PAGE2: variants seen among roughly 807,000 people sequenced by gnomAD.
PAGE2 encodes the protein PAGE family member 2.
Under a neutral mutation model 7.5 loss-of-function variants are expected in PAGE2, and 6 were observed. The observed-to-expected ratio is 0.80, with a 90% CI of 0.44 to 1.57. PAGE2 has a LOEUF of 1.57. PAGE2 is among the 40% of genes most tolerant of loss of function. The pLI is 0.01. For synonymous variants in PAGE2, 22 were observed against 25.4 expected (o/e 0.87, Z 0.41); for missense variants, 72 against 76.4 (o/e 0.94, Z 0.21).
Position 55,090,493 on chromosome X carries a change from C to T in PAGE2, c.85-9C>T, listed in dbSNP as rs1195629677. 1.7e-6 allele frequency: 2 copies of T among 1,187,007 alleles called. No homozygotes were observed. Among genetic ancestry groups the T allele is most frequent in the Admixed American group, 2.2e-5 (1 of 45,003 alleles). ...GACTTTTTATTCACACACACACTTACACCCTTAGGTCCAGGAGCCCACTGA... is the reference window on the plus strand; with the variant it reads ...GACTTTTTATTCACACACACACTTATACCCTTAGGTCCAGGAGCCCACTGA... On this transcript the variant is annotated splice_polypyrimidine_tract_variant and intron_variant, in intron 2 of 4. Coordinates refer to ENST00000374968, the MANE Select transcript of PAGE2 (RefSeq NM_207339.4).
chrX:55,090,020 T>C lies in PAGE2; in HGVS notation c.-1T>C. 1 of 1,180,829 alleles carries C rather than the reference T, an allele frequency of 8.5e-7. No individual in the cohort carries two copies. Among genetic ancestry groups the C allele is most frequent in the Non-Finnish European group, 1.1e-6 (1 of 870,449 alleles). ...ACAATATTCTGTTTGCAGTGGGAAA[T>C]ATGAGTGAGCTTCTAAGAGCAAGAT... On this transcript the variant is annotated 5_prime_UTR_variant, in exon 2 of 5. Transcript: ENST00000374968.
Position 55,090,599 on chromosome X carries a change from C to T in PAGE2, c.182C>T (p.Pro61Leu). ...GGGGAGATTGAAAATCAAGCAGTGCCTGCTTTTCAAGGTGAAGGGAGAGTG... is the reference window on the plus strand; with the variant it reads ...GGGGAGATTGAAAATCAAGCAGTGCTTGCTTTTCAAGGTGAAGGGAGAGTG... Reference protein sequence around the residue: ...PSGEIENQAVPAFQGPDMEAF... With the variant: ...PSGEIENQAVLAFQGPDMEAF... Residue 61 changes from proline (P) to leucine (L), a missense_variant, in exon 3 of 5, where the codon CCT (proline) becomes CTT (leucine). Pro to Leu is a moderately conservative substitution (Grantham distance 98, BLOSUM62 -3). Transcript: ENST00000374968. The T allele has an allele frequency of 1.7e-6, 2 of 1,203,834 alleles. No homozygotes were observed. The highest frequency in any genetic ancestry group is 1.1e-6 in the Non-Finnish European group (1 of 891,843).
rs1005975021 is a variant in PAGE2, at chrX:55,089,938, A to T, written c.-8-75A>T. The stretch of plus-strand genomic sequence containing the variant: ...CAAAATTAAAAAAGTACAAATCACC[A>T]TTTTGCCGTGGAATGTTCATATATA... On this transcript the variant is annotated intron_variant, in intron 1 of 4. Transcript: ENST00000374968. 5.9e-5 allele frequency: 47 copies of T among 798,632 alleles called. 1 individual carries two copies. The highest frequency in any genetic ancestry group is 2.0e-4 in the Admixed American group (7 of 35,187). The allele number at this position is 798,632 out of a possible 1,213,427, so 65.8% of individuals were successfully genotyped here.
chrX:55,090,103 T>C lies in PAGE2; in HGVS notation c.83T>C (p.Ile28Thr), dbSNP rs3736310. The stretch of plus-strand genomic sequence containing the variant: ...TCTTCCCAGCCGGTTGGATCTGTGA[T>C]TGTGAGTCTTTTAACATTTGATGTT... ...QESSQPVGSVIVQEPTEEKRQ... is the reference protein window; with the variant it reads ...QESSQPVGSVTVQEPTEEKRQ... Residue 28 changes from isoleucine (I) to threonine (T), a missense_variant and splice_region_variant, in exon 2 of 5, where the codon ATT becomes ACT. Ile to Thr is a moderately conservative substitution (Grantham distance 89, BLOSUM62 -1). Coordinates refer to ENST00000374968, the MANE Select transcript of PAGE2 (RefSeq NM_207339.4). 1.3e-4 allele frequency: 157 copies of C among 1,192,325 alleles called. No individual in the cohort carries two copies. In the East Asian group the frequency reaches 4.6e-3, roughly 35 times the overall value.
chrX:55,090,554 A>C lies in PAGE2; in HGVS notation c.137A>C (p.Asn46Thr), dbSNP rs1268989126. The C allele has an allele frequency of 8.3e-7, 1 of 1,206,969 alleles. No homozygotes were observed. The highest frequency in any genetic ancestry group is 1.1e-6 in the Non-Finnish European group (1 of 893,929). Residue 46 changes from asparagine (N) to threonine (T), a missense_variant, in exon 3 of 5, where the codon AAT (asparagine) becomes ACT (threonine). Transcript: ENST00000374968. ...CAAGAAGAGGAACCACCAACTGATA[A>C]TCAGGGTATTGCACCTAGTGGGGAG... Reference protein sequence around the residue: ...KRQEEEPPTDNQGIAPSGEIE... With the variant: ...KRQEEEPPTDTQGIAPSGEIE...
chrX:55,089,871 GTGTACTTATCAT>G (rs1412799634), intron 1 of PAGE2, 130 bp from the exon 2 acceptor site: 1 of 473,667 alleles, frequency 2.1e-6, no homozygotes, highest in Non-Finnish European at 3.6e-6. Flanking sequence ...TCGAAAGCAT[GTGTACTTATCAT>G]TGCTCTGTGA....
chrX:55,089,428 G>A (rs1238418387), intron 1 of PAGE2, among the ~76,000 whole-genome samples: 1 of 110,383 alleles, frequency 9.1e-6, no homozygotes, highest in South Asian at 3.8e-4. Context: ...CAGTAGGGAC[G>A]CGGGAAGGGA....
intron 3 of PAGE2, among the ~76,000 whole-genome samples, chrX:55,091,071 C>T (rs1361029919): frequency 2.7e-5 from 3 of 110,974 alleles, no homozygotes; most frequent in African/African-American, 6.7e-5. Context: ...GTCAGACTGA[C>T]TCAAACAAAT....
In PAGE2 at chrX:55,089,956, C is replaced by CAT. The variant is rs764058075; in HGVS notation, c.-8-49_-8-48dup. On this transcript the variant is annotated intron_variant, in intron 1 of 4. Transcript: ENST00000374968. ...AATCACCATTTTGCCGTGGAATGTT[C>CAT]ATATATATAACTAAGTTCTTACACA... 285 of 909,615 alleles carry CAT rather than the reference C, an allele frequency of 3.1e-4. 9 individuals carry two copies. The African/African-American group carries it at 5.3e-3, about 17-fold the overall frequency. 75.0% of individuals were successfully genotyped at this position (909,615 alleles called of 1,213,427 possible). A position where few individuals can be genotyped will look rare whatever the true frequency, so the allele number is the denominator to read the frequency against.
At chrX:55,089,411 A>G (rs1936633567) in intron 1 of PAGE2, among the ~76,000 whole-genome samples, 1 of 110,237 alleles carries the variant, frequency 9.1e-6, no homozygotes, top group Non-Finnish European at 1.9e-5. Flanking sequence ...ACAGTTTCCA[A>G]ACTCCTCAGT....
At position 55,090,122 on chromosome X, in the gene PAGE2, T is replaced by C. The variant is rs541524037; in HGVS notation, c.84+18T>C. 6.0e-6 allele frequency: 7 copies of C among 1,168,220 alleles called. No homozygotes were observed. The African/African-American group carries it at 1.3e-4, about 21-fold the overall frequency. On this transcript the variant is annotated intron_variant, in intron 2 of 4. Transcript: ENST00000374968. ...CTGTGATTGTGAGTCTTTTAACATT[T>C]GATGTTTTCTATTAACACAATTTAT...
chrX:55,091,658 G>A lies in PAGE2; in HGVS notation c.319+201G>A, dbSNP rs1188617657. On this transcript the variant is annotated intron_variant, in intron 4 of 4. Coordinates refer to ENST00000374968, the MANE Select transcript of PAGE2 (RefSeq NM_207339.4). ...GTGGTGGCTCATGCTTTTAATTCCA[G>A]CACTTTGGGAGGCCGAGGCAGAAGG... Among the ~76,000 whole-genome samples, 9 of 80,980 alleles carry A rather than the reference G, an allele frequency of 1.1e-4. 1 individual carries two copies. Among genetic ancestry groups the A allele is most frequent in the Non-Finnish European group, 2.4e-4 (9 of 36,764 alleles). 70.3% of individuals were successfully genotyped at this position (80,980 alleles called of 115,157 possible). A position where few individuals can be genotyped will look rare whatever the true frequency, so the allele number is the denominator to read the frequency against.
chrX:55,089,048 AGT>A lies in PAGE2; in HGVS notation c.-61_-60del, dbSNP rs1452103846. The stretch of plus-strand genomic sequence containing the variant: ...CGCACAGAGGTCTGCAAGGAGAGAG[AGT>A]GTCTTCATTCTTTCCGCCATCTTGA... On this transcript the variant is annotated 5_prime_UTR_variant, in exon 1 of 5. Transcript: ENST00000374968. 3 of 111,476 alleles carry A rather than the reference AGT, an allele frequency of 2.7e-5. No individual in the cohort carries two copies. The highest frequency in any genetic ancestry group is 5.6e-5 in the Non-Finnish European group (3 of 53,234). 9.2% of individuals were successfully genotyped at this position (111,476 alleles called of 1,213,427 possible). A position where few individuals can be genotyped will look rare whatever the true frequency, so the allele number is the denominator to read the frequency against.
Position 55,091,367 on chromosome X carries a change from C to G in PAGE2, c.229C>G (p.Leu77Val), listed in dbSNP as rs772976549. The G allele has an allele frequency of 4.0e-4, 486 of 1,204,695 alleles. 2 individuals are homozygous for G. The highest frequency in any genetic ancestry group is 5.2e-4 in the Non-Finnish European group (469 of 893,951). ...GGAAGCTTTTCAACAGGAACTGGCTCTGCTTAAGATAGAGGATGAGCCTGG... is the reference window on the plus strand; with the variant it reads ...GGAAGCTTTTCAACAGGAACTGGCTGTGCTTAAGATAGAGGATGAGCCTGG... ...DMEAFQQELA[L>V]LKIEDEPGDG... Residue 77 changes from leucine (L) to valine (V), a missense_variant, in exon 4 of 5, where the codon CTG becomes GTG. Leu to Val is a conservative substitution (Grantham distance 32). Transcript: ENST00000374968.
intron 3 of PAGE2, among the ~76,000 whole-genome samples, chrX:55,090,976 C>T (rs904847851): frequency 4.6e-5 from 5 of 109,866 alleles, no homozygotes; most frequent in Middle Eastern, 4.6e-3. Flanking sequence ...TTTTAACACA[C>T]CTTTATTGAT....
intron 2 of PAGE2, 128 bp from the exon 3 acceptor site, chrX:55,090,374 T>A: frequency 3.2e-6 from 2 of 634,641 alleles, no homozygotes; most frequent in Non-Finnish European, 4.8e-6. Context: ...ATCATCTATC[T>A]ATCTATATGT....
intron 3 of PAGE2, 68 bp downstream of exon 3, chrX:55,090,678 A>C: frequency 1.4e-6 from 1 of 728,439 alleles, no homozygotes; most frequent in Non-Finnish European, 2.1e-6. Flanking sequence ...ATTTTATGAC[A>C]TACCAGTAAC....
chrX:55,090,435 G>A lies in PAGE2; in HGVS notation c.85-67G>A, dbSNP rs183247339. ...AAAAATGTCTTTAGATGTGTGATTC[G>A]ATGCACATATGCATTTGTGTATTTA... is the stretch of plus-strand genomic sequence containing the variant. On this transcript the variant is annotated intron_variant, in intron 2 of 4. Transcript: ENST00000374968. 448 of 985,247 alleles carry A rather than the reference G, an allele frequency of 4.5e-4. 19 individuals are homozygous for A. The African/African-American group carries it at 7.5e-3, about 16-fold the overall frequency. The allele number at this position is 985,247 out of a possible 1,213,427, so 81.2% of individuals were successfully genotyped here.
chrX:55,090,351 T>C (rs905086939), intron 2 of PAGE2, 151 bp from the exon 3 acceptor site: 1 of 573,986 alleles, frequency 1.7e-6, no homozygotes, highest in Non-Finnish European at 2.8e-6. Flanking sequence ...TCTATCTATC[T>C]ATCTATCTAT....
Sources: allele counts gnomAD v4.1 joint callset (sites outside exome capture counted in the v4.1 genomes callset), GRCh38; gene constraint gnomAD v4.1.1; transcripts MANE v1.5; gene names NCBI Gene and HGNC (gene_info 2026-07-23, HGNC 2026-07-21).